The following TRAK1 variants were observed in gnomAD, a reference collection of about 807,000 sequenced individuals.
TRAK1 encodes trafficking kinesin-binding protein 1.
A neutral mutation model predicts 92.1 loss-of-function variants in TRAK1; 33 were observed. The observed-to-expected ratio is 0.36, with a 90% confidence interval of 0.27 to 0.48. The LOEUF (loss-of-function observed/expected upper bound fraction) is 0.48. TRAK1 is among the 20% of genes least tolerant of loss of function. The pLI is 0.99. For missense variants in TRAK1, 1,123 were observed against 1,257.9 expected (o/e 0.89, Z 1.62); for synonymous variants, 521 against 517.3 (o/e 1.01, Z -0.10).
intron 1 of TRAK1, among the ~76,000 whole-genome samples, chr3:42,032,304 T>TTAA (rs1702173721): frequency 6.6e-6 from 1 of 152,186 alleles, no homozygotes; most frequent in Non-Finnish European, 1.5e-5. Flanking sequence ...GCATGCCTGG[T>TTAA]TAATGCAGAA....
chr3:42,125,566 A>T lies in TRAK1; in HGVS notation c.238A>T (p.Asn80Tyr). The T allele has an allele frequency of 2.5e-6, 4 of 1,614,240 alleles. No individual in the cohort carries two copies. The highest frequency in any genetic ancestry group is 3.4e-6 in the Non-Finnish European group (4 of 1,180,044). The change falls in exon 2 of 16, where the codon AAC becomes TAC. Residue 80 changes from asparagine to tyrosine, a missense_variant. Physicochemically the swap from Asn to Tyr is moderately radical, Grantham distance 143 (BLOSUM62 -2). Transcript: ENST00000327628. ...TACACCTCTCATTTCTCCAGATGCC[A>T]ACATTGACCTCACAACCGAGCAAAT... ...LHTPLISPDA[N>Y]IDLTTEQIEE...
intron 1 of TRAK1, among the ~76,000 whole-genome samples, chr3:42,121,773 TGCTAATGTTTATAAG>T (rs532402006): frequency 2.6e-4 from 39 of 152,316 alleles, no homozygotes; most frequent in African/African-American, 7.7e-4. Context: ...GAAAATTTGC[TGCTAATGTTTATAAG>T]GCTGGTCATG....
At chr3:42,211,176 C>T in intron 14 of TRAK1, 3 of 985,316 alleles carry the variant, frequency 3.0e-6, no homozygotes, top group Non-Finnish European at 3.6e-6. Context: ...AAGGCCACAA[C>T]ACTCCCCTTG....
At chr3:42,074,788 A>G (rs146755786) in intron 1 of TRAK1, among the ~76,000 whole-genome samples, 57 of 152,202 alleles carry the variant, frequency 3.7e-4, no homozygotes, top group African/African-American at 1.3e-3. Flanking sequence ...AATTTCATCA[A>G]CTAGGTAATT....
chr3:42,075,456 C>T (rs1704114571), intron 1 of TRAK1, among the ~76,000 whole-genome samples: 1 of 151,032 alleles, frequency 6.6e-6, no homozygotes, highest in Middle Eastern at 3.5e-3. Context: ...GATACATGTG[C>T]TTATGTGTTT....
intron 1 of TRAK1, among the ~76,000 whole-genome samples, chr3:42,106,017 A>T (rs1214001816): frequency 6.6e-6 from 1 of 152,224 alleles, no homozygotes; most frequent in Non-Finnish European, 1.5e-5. Context: ...CTCCTGAAGG[A>T]AGCACTAAAC....
At chr3:42,127,413 T>G (rs1271989232) in intron 2 of TRAK1, among the ~76,000 whole-genome samples, 1 of 149,648 alleles carries the variant, frequency 6.7e-6, no homozygotes, top group African/African-American at 2.5e-5. Flanking sequence ...GGTGCAGTGG[T>G]GCACATATGG....
At chr3:42,160,617 T>A in intron 2 of TRAK1, 2 of 906,630 alleles carry the variant, frequency 2.2e-6, no homozygotes, top group Non-Finnish European at 3.2e-6. Context: ...GCAAATGGCT[T>A]AAAGGTGTCC....
rs1396133791 is a variant in TRAK1, at chr3:42,013,841, A to C, written c.-795A>C. On this transcript the variant is annotated 5_prime_UTR_variant, in exon 1 of 17. Coordinates refer to the TRAK1 transcript ENST00000487159. The surrounding 1 kb of genome is among the most constrained non-coding windows in gnomAD (Gnocchi z 5.1). Reference sequence around the variant, plus strand: ...CGCGGGAGAGCCGGAGCGCAGCCTTAGCGTCCCCGAGAGTCTCGAACGCCC... The same window carrying C: ...CGCGGGAGAGCCGGAGCGCAGCCTTCGCGTCCCCGAGAGTCTCGAACGCCC... The C allele has an allele frequency of 6.7e-6, 1 of 149,672 alleles. No individual in the cohort carries two copies. The highest frequency in any genetic ancestry group is 1.5e-5 in the Non-Finnish European group (1 of 67,006). 9.3% of individuals were successfully genotyped at this position (149,672 alleles called of 1,614,324 possible).
At chr3:42,186,811 T>C (rs1462947161) in intron 4 of TRAK1, among the ~76,000 whole-genome samples, 2 of 151,642 alleles carry the variant, frequency 1.3e-5, no homozygotes, top group East Asian at 1.9e-4. Context: ...TGGCATATTA[T>C]TAAATTATCA....
intron 8 of TRAK1, among the ~76,000 whole-genome samples, chr3:42,193,487 T>A (rs1486804261): frequency 6.6e-6 from 1 of 152,152 alleles, no homozygotes; most frequent in East Asian, 1.9e-4. Flanking sequence ...TCTAGTCTAG[T>A]ATTTGTTTTT....
chr3:42,201,883 G>GACACACACACACAC (rs56336064), intron 12 of TRAK1, among the ~76,000 whole-genome samples: 131 of 125,174 alleles, frequency 1.0e-3, no homozygotes, highest in African/African-American at 2.7e-3. Context: ...CGGACAGACG[G>GACACACACACACAC]ACACACACAC....
At chr3:42,042,462 C>T (rs565557541) in intron 1 of TRAK1, among the ~76,000 whole-genome samples, 1 of 152,096 alleles carries the variant, frequency 6.6e-6, no homozygotes, top group Non-Finnish European at 1.5e-5. Context: ...GCCTCTGCCT[C>T]CTGGGTTCAA....
In TRAK1 at chr3:42,170,883, G is replaced by A. The variant is rs1702460177; in HGVS notation, c.287-5931G>A. ...CTGTCGCCCAGGCTGGAGTGCAGTG[G>A]CATGATCTCGGCTTACTGCAAGCTC... is the stretch of plus-strand genomic sequence containing the variant. On this transcript the variant is annotated intron_variant, in intron 2 of 15. Coordinates refer to ENST00000327628, the MANE Select transcript of TRAK1 (RefSeq NM_001042646.3). Among the ~76,000 whole-genome samples the A allele has an allele frequency of 2.0e-5, 3 of 151,386 alleles. No homozygotes were observed. The South Asian group carries it at 6.3e-4, about 32-fold the overall frequency.
At chr3:42,075,541 T>C (rs889119749) in intron 1 of TRAK1, among the ~76,000 whole-genome samples, 27 of 152,184 alleles carry the variant, frequency 1.8e-4, no homozygotes, top group African/African-American at 6.5e-4. Flanking sequence ...AGTTCTATTT[T>C]AAATTCTTTG....
chr3:42,178,375 C>G (rs1434729511), intron 3 of TRAK1, among the ~76,000 whole-genome samples: 6 of 152,140 alleles, frequency 3.9e-5, no homozygotes, highest in African/African-American at 1.4e-4. Flanking sequence ...TCTTCACTGT[C>G]CTGAACCTTC....
chr3:42,158,571 CTTT>C (rs10522929), intron 2 of TRAK1, among the ~76,000 whole-genome samples: 7 of 147,422 alleles, frequency 4.7e-5, no homozygotes, highest in African/African-American at 1.8e-4. Flanking sequence ...ATTTCTACAC[CTTT>C]TTTTTTTTTT....
chr3:42,013,724 G>A (rs1157356322), upstream of TRAK1: 1 of 147,260 alleles, frequency 6.8e-6, no homozygotes, highest in Non-Finnish European at 1.5e-5. The surrounding 1 kb of genome is among the most constrained non-coding windows in gnomAD (Gnocchi z 5.1). Flanking sequence ...CCCGCCCGCC[G>A]CCCCGGGGCC....
rs879692318 is a variant in TRAK1, at chr3:42,068,158, T to TA, written c.-518-18934dup. 3.5e-3 allele frequency among the ~76,000 whole-genome samples: 494 copies of TA among 142,166 alleles called. 2 individuals carry two copies. Among genetic ancestry groups the TA allele is most frequent in the African/African-American group, 9.3e-3 (363 of 38,854 alleles). 93.3% of individuals were successfully genotyped at this position (142,166 alleles called of 152,430 possible). A position where few individuals can be genotyped will look rare whatever the true frequency, so the allele number is the denominator to read the frequency against. On this transcript the variant is annotated intron_variant, in intron 1 of 16. Coordinates refer to the TRAK1 transcript ENST00000487159. ...ATGGGCAAGAGAGCGAGACTCTGTC[T>TA]AAAAAAAAAAAAGAAGAAACAGGAT... is the stretch of plus-strand genomic sequence containing the variant.
Sources: allele counts gnomAD v4.1 joint callset (sites outside exome capture counted in the v4.1 genomes callset), GRCh38; gene constraint gnomAD v4.1.1; non-coding constraint Gnocchi (gnomAD v3.1); transcripts MANE v1.5; gene names NCBI Gene and HGNC (gene_info 2026-07-23, HGNC 2026-07-21).